NPAS1: variants seen among roughly 807,000 people sequenced by gnomAD.
The protein encoded by NPAS1 is neuronal PAS domain-containing protein 1.
In NPAS1, 29 loss-of-function variants were observed where a neutral mutation model predicts 49.2. The ratio of observed to expected loss-of-function variants is 0.59; its 90% CI spans 0.44 to 0.80. The LOEUF (loss-of-function observed/expected upper bound fraction) is 0.80, where lower values mean the gene tolerates loss of function less well. Among genes scored for constraint, NPAS1 ranks in the 30% least tolerant of loss-of-function variants. The pLI, the probability that NPAS1 is intolerant of heterozygous loss-of-function variation, is 0.00. For synonymous variants in NPAS1, 408 were observed against 380.4 expected (o/e 1.07, Z -0.84); for missense variants, 825 against 835.5 (o/e 0.99, Z 0.15).
intron 11 of NPAS1, 121 bp from the exon 12 acceptor site, chr19:47,045,070 A>C (rs1223090713): frequency 5.3e-6 from 5 of 936,574 alleles, no homozygotes; most frequent in Non-Finnish European, 6.4e-6. Flanking sequence ...ACAAACAAAA[A>C]AAAAAACCCC....
chr19:47,036,717 C>CA (rs57439342), intron 6 of NPAS1, among the ~76,000 whole-genome samples: 11,858 of 131,060 alleles, frequency 0.09, 518 homozygotes, highest in Middle Eastern at 0.12. Context: ...ACTAAAAATA[C>CA]AAAAAAAAAA....
chr19:47,033,097 C>T (rs559647112), intron 5 of NPAS1, among the ~76,000 whole-genome samples: 8 of 151,448 alleles, frequency 5.3e-5, no homozygotes, highest in East Asian at 3.9e-4. Flanking sequence ...CCACCACACC[C>T]GGCTAACTTT....
chr19:47,045,156 G>GAC lies in NPAS1; in HGVS notation c.1313-27_1313-26dup, dbSNP rs776511197. On this transcript the variant is annotated intron_variant, in intron 11 of 11. Transcript: ENST00000602212. ...ACAGATGGGAAGACTGAGGGCTGGG[G>GAC]ACACACACAGGCCCTCAGCATCTTC... is the stretch of plus-strand genomic sequence containing the variant. The GAC allele has an allele frequency of 7.5e-6, 12 of 1,598,508 alleles. No individual in the cohort carries two copies. In the Admixed American group the frequency reaches 1.7e-4, roughly 23 times the overall value.
chr19:47,024,564 C>T (rs1458640218), intron 3 of NPAS1, among the ~76,000 whole-genome samples: 1 of 152,114 alleles, frequency 6.6e-6, no homozygotes, highest in Non-Finnish European at 1.5e-5. Context: ...TTATGATTCC[C>T]AAGTTACAGA....
intron 6 of NPAS1, among the ~76,000 whole-genome samples, chr19:47,037,150 G>A (rs540542384): frequency 1.3e-5 from 2 of 151,302 alleles, no homozygotes; most frequent in South Asian, 2.1e-4. Context: ...TCGGGAGTTC[G>A]AGACCAGCCT....
At chr19:47,026,025 C>T (rs976174309) in intron 3 of NPAS1, among the ~76,000 whole-genome samples, 2 of 152,112 alleles carry the variant, frequency 1.3e-5, no homozygotes, top group Non-Finnish European at 2.9e-5. Flanking sequence ...CTGCAACCTC[C>T]ACTTCCCAGG....
rs2057073292 is a variant in NPAS1, at chr19:47,045,751, C to A, written c.*100C>A. On this transcript the variant is annotated 3_prime_UTR_variant, in exon 12 of 12. Transcript: ENST00000602212. The stretch of plus-strand genomic sequence containing the variant: ...TAGCCCTGAGAATTAAACGCCGGCT[C>A]TCCCTGCAGTGGTTTGGGCTCCGGG... 1 of 1,134,104 alleles carries A rather than the reference C, an allele frequency of 8.8e-7. No homozygotes were observed. Among genetic ancestry groups the A allele is most frequent in the Non-Finnish European group, 1.2e-6 (1 of 843,542 alleles). 70.3% of individuals were successfully genotyped at this position (1,134,104 alleles called of 1,614,324 possible). A position where few individuals can be genotyped will look rare whatever the true frequency, so the allele number is the denominator to read the frequency against.
chr19:47,039,089 T>C lies in NPAS1; in HGVS notation c.742T>C (p.Phe248Leu), dbSNP rs766660222. 6.2e-7 allele frequency: 1 copy of C among 1,613,992 alleles called. No homozygotes were observed. Among genetic ancestry groups the C allele is most frequent in the South Asian group, 1.1e-5 (1 of 91,072 alleles). The part of the protein sequence containing the change: ...PSSLVQERSF[F>L]VRMKSTLTKR... ...CTCCCTGGTCCAGGAGCGCTCCTTC[T>C]TTGTCCGCATGAAATCCACGCTCAC... The change falls in exon 7 of 12, where the codon TTT becomes CTT. Residue 248 changes from phenylalanine to leucine, a missense_variant. Physicochemically the swap from Phe to Leu is conservative, Grantham distance 22 (BLOSUM62 0). Transcript: ENST00000602212.
chr19:47,023,159 A>C (rs2056852069), intron 3 of NPAS1, among the ~76,000 whole-genome samples: 1 of 152,248 alleles, frequency 6.6e-6, no homozygotes, highest in Non-Finnish European at 1.5e-5. Context: ...AGGCGAATTG[A>C]CTGGCGCGGA....
chr19:47,023,132 C>T (rs2056851770), intron 3 of NPAS1, among the ~76,000 whole-genome samples: 1 of 152,268 alleles, frequency 6.6e-6, no homozygotes, highest in African/African-American at 2.4e-5. Context: ...AATAATCCGG[C>T]TTCCCAGGCG....
At chr19:47,040,894 C>T in intron 9 of NPAS1, 84 bp from the exon 10 acceptor site, 1 of 1,196,304 alleles carries the variant, frequency 8.4e-7, no homozygotes, top group Non-Finnish European at 1.1e-6. Flanking sequence ...CTCACTCCTC[C>T]TGTCTCCTCC....
intron 1 of NPAS1, among the ~76,000 whole-genome samples, chr19:47,020,563 G>T (rs538842045): frequency 6.6e-6 from 1 of 151,306 alleles, no homozygotes; most frequent in South Asian, 2.1e-4. Context: ...CAGATCCGGG[G>T]AGTCAGACAC....
At position 47,021,532 on chromosome 19, in the gene NPAS1, G is replaced by A. The variant is rs913166682; in HGVS notation, c.123-80G>A. 124 of 976,126 alleles carry A rather than the reference G, an allele frequency of 1.3e-4. No homozygotes were observed. The highest frequency in any genetic ancestry group is 1.7e-4 in the Non-Finnish European group (117 of 698,786). 60.5% of individuals were successfully genotyped at this position (976,126 alleles called of 1,614,324 possible). ...CGTCCCGTCCCGTTCCCAAGGCCCCGGGAGGCGGGGCTCGCCCCCAGTTCC... is the reference window on the plus strand; with the variant it reads ...CGTCCCGTCCCGTTCCCAAGGCCCCAGGAGGCGGGGCTCGCCCCCAGTTCC... On this transcript the variant is annotated intron_variant, in intron 2 of 11. Transcript: ENST00000602212. This position sits in a 1 kb window ranked among gnomAD's most constrained non-coding sequence, Gnocchi z 5.7.
chr19:47,033,172 G>A (rs1333672893), intron 5 of NPAS1, among the ~76,000 whole-genome samples: 3 of 151,788 alleles, frequency 2.0e-5, no homozygotes, highest in South Asian at 2.1e-4. Context: ...TCCTGACCTC[G>A]TGATCCACCT....
chr19:47,036,585 A>G (rs931408723), intron 6 of NPAS1, among the ~76,000 whole-genome samples: 65 of 152,198 alleles, frequency 4.3e-4, no homozygotes, highest in Middle Eastern at 6.8e-3. Flanking sequence ...AAAAATTACA[A>G]AAAAGGCCAG....
intron 1 of NPAS1, 136 bp from the exon 2 acceptor site, chr19:47,020,870 A>C: frequency 6.7e-6 from 3 of 450,710 alleles, no homozygotes; most frequent in Non-Finnish European, 3.9e-6. Flanking sequence ...GCCTCCAGGT[A>C]GGGGAAACTG....
At chr19:47,035,936 C>T (rs757499498) in intron 5 of NPAS1, 28 bp from the exon 6 acceptor site, 1 of 1,493,280 alleles carries the variant, frequency 6.7e-7, no homozygotes, top group South Asian at 1.4e-5. Flanking sequence ...CCTCACCCGC[C>T]CCCTGCATTC....
At chr19:47,041,828 T>TA (rs35500480) in intron 10 of NPAS1, among the ~76,000 whole-genome samples, 2 of 151,394 alleles carry the variant, frequency 1.3e-5, no homozygotes, top group Admixed American at 6.6e-5. Flanking sequence ...AAAATTTTTT[T>TA]AATTGGCCCG....
chr19:47,045,336 C>T lies in NPAS1; in HGVS notation c.1458C>T (p.His486=), dbSNP rs2057065711. The change falls in exon 12 of 12, where the codon CAC becomes CAT. Residue 486 remains histidine (H), a synonymous_variant. Transcript: ENST00000602212. ...EDSGDEDPSS[H]PATPRPEFTS... ...GTGGCGACGAGGATCCCTCCAGCCA[C>T]CCGGCCACACCGAGGCCCGAGTTCA... is the stretch of plus-strand genomic sequence containing the variant. 1.2e-6 allele frequency: 2 copies of T among 1,613,748 alleles called. No individual in the cohort carries two copies. Among genetic ancestry groups the T allele is most frequent in the African/African-American group, 2.7e-5 (2 of 74,936 alleles).
Sources: gnomAD v4.1 joint callset for allele counts (sites outside exome capture counted in the v4.1 genomes callset) on GRCh38, gnomAD v4.1.1 for gene constraint, Gnocchi (gnomAD v3.1) non-coding constraint, MANE v1.5 for transcripts, NCBI Gene and HGNC (gene_info 2026-07-23, HGNC 2026-07-21) for gene names.